LARP1B: variants seen among roughly 807,000 people sequenced by gnomAD.
The protein encoded by LARP1B is La ribonucleoprotein 1B, also known as la-related protein 1B.
In LARP1B, 76 loss-of-function variants were observed where a neutral mutation model predicts 114.2. The ratio of observed to expected loss-of-function variants is 0.67; its 90% CI spans 0.55 to 0.81. The LOEUF (loss-of-function observed/expected upper bound fraction) is 0.81, where lower values mean the gene tolerates loss of function less well. LARP1B is among the 30% of genes least tolerant of loss of function. The pLI, the probability that LARP1B is intolerant of heterozygous loss-of-function variation, is 0.00. For missense variants in LARP1B, 1,014 were observed against 1,075.8 expected, an observed-to-expected ratio of 0.94 and a Z score of 0.80; for synonymous variants, 345 against 348.0, an observed-to-expected ratio of 0.99 and a Z score of 0.10.
Position 128,065,247 on chromosome 4 carries a change from C to CAATT in LARP1B, c.-78+3851_-78+3854dup, listed in dbSNP as rs72083741. 1.7e-3 allele frequency among the ~76,000 whole-genome samples: 206 copies of CAATT among 123,436 alleles called. 1 individual carries two copies. The highest frequency in any genetic ancestry group is 4.0e-3 in the African/African-American group (134 of 33,922). The allele number at this position is 123,436 out of a possible 152,430, so 81.0% of individuals were successfully genotyped here. ...ACACTGACTCTGCACTGTTCTCCCA[C>CAATT]AATTAATTTCTTTCTTTCTTTCTTT... On this transcript the variant is annotated intron_variant, in intron 1 of 19. Transcript: ENST00000326639.
At chr4:128,063,125 CAACT>C (rs980180558) in intron 1 of LARP1B, among the ~76,000 whole-genome samples, 1 of 152,084 alleles carries the variant, frequency 6.6e-6, no homozygotes, top group African/African-American at 2.4e-5. Context: ...GTAGTAACTG[CAACT>C]TAAGAAAGTA....
chr4:128,165,733 G>A (rs966061974), intron 12 of LARP1B, among the ~76,000 whole-genome samples: 10 of 151,934 alleles, frequency 6.6e-5, no homozygotes, highest in African/African-American at 1.9e-4. Context: ...TATATAAGAG[G>A]GGTCAAATCA....
chr4:128,160,552 T>C (rs1161625472), intron 11 of LARP1B, among the ~76,000 whole-genome samples: 5 of 152,086 alleles, frequency 3.3e-5, no homozygotes, highest in Non-Finnish European at 7.4e-5. Context: ...ATGTTATACA[T>C]TAATGAATTA....
chr4:128,083,685 C>T (rs1346774333), intron 5 of LARP1B, among the ~76,000 whole-genome samples: 27 of 133,578 alleles, frequency 2.0e-4, no homozygotes, highest in African/African-American at 7.3e-4. Flanking sequence ...AGCCCCCCCA[C>T]CTCCCTCCCG....
intron 15 of LARP1B, among the ~76,000 whole-genome samples, chr4:128,195,033 T>G (rs1467294290): frequency 1.3e-5 from 2 of 152,200 alleles, no homozygotes; most frequent in Non-Finnish European, 2.9e-5. Context: ...CATTGTCTCC[T>G]GAATTTTATT....
chr4:128,117,276 C>A (rs895849210), intron 10 of LARP1B, among the ~76,000 whole-genome samples: 3 of 151,318 alleles, frequency 2.0e-5, no homozygotes, highest in Non-Finnish European at 4.4e-5. Flanking sequence ...ATGGTGTGAT[C>A]TTAGCTCACT....
chr4:128,076,783 T>C (rs980233358), intron 3 of LARP1B, among the ~76,000 whole-genome samples: 1 of 152,138 alleles, frequency 6.6e-6, no homozygotes, highest in Non-Finnish European at 1.5e-5. Context: ...TGGAGTACAG[T>C]GGCATGATCT....
chr4:128,208,200 C>T lies in LARP1B; in HGVS notation c.2547+817C>T, dbSNP rs115440400. ...AAAATTAGCTGGGTGTGATGGTGCA[C>T]GTGTGTAATCCCTGCTACTCAGGAG... On this transcript the variant is annotated intron_variant, in intron 19 of 19. Transcript: ENST00000326639. 9.2e-3 allele frequency among the ~76,000 whole-genome samples: 1,402 copies of T among 151,644 alleles called. 24 individuals carry two copies. The highest frequency in any genetic ancestry group is 0.031 in the African/African-American group (1,285 of 41,334).
rs1758668390 is a variant in LARP1B, at chr4:128,209,899, C to T, written c.2591C>T (p.Thr864Ile). 1 of 1,614,004 alleles carries T rather than the reference C, an allele frequency of 6.2e-7. No individual in the cohort carries two copies. The highest frequency in any genetic ancestry group is 8.5e-7 in the Non-Finnish European group (1 of 1,179,928). ...TTTGGAAGAAAAAGACATTCCTCTA[C>T]TTCTGGTGAGGAGAGTAATCGTCAT... ...DEFGRKRHSSTSGEESNRHRL... is the reference protein window; with the variant it reads ...DEFGRKRHSSISGEESNRHRL... The change falls in exon 20 of 20, where the codon ACT becomes ATT. Residue 864 changes from threonine to isoleucine, a missense_variant. By Grantham distance (89) the Thr-to-Ile change is moderately conservative (BLOSUM62 -1). Transcript: ENST00000326639.
intron 5 of LARP1B, among the ~76,000 whole-genome samples, chr4:128,087,964 CATA>C (rs1476066796): frequency 2.6e-5 from 4 of 151,836 alleles, no homozygotes; most frequent in Non-Finnish European, 4.4e-5. Context: ...AATGGATTCT[CATA>C]ATTTCATTAA....
rs1766517165 is a variant in LARP1B, at chr4:128,073,591, T to TTTTTTTTTTTTTTTTTTTTTTTTTTTTG, written c.-77-851_-77-850insTTTTTTTTTGTTTTTTTTTTTTTTTTTT. Among the ~76,000 whole-genome samples, 6 of 27,916 alleles carry TTTTTTTTTTTTTTTTTTTTTTTTTTTTG rather than the reference T, an allele frequency of 2.1e-4. 3 individuals are homozygous for TTTTTTTTTTTTTTTTTTTTTTTTTTTTG. The highest frequency in any genetic ancestry group is 2.9e-4 in the Non-Finnish European group (4 of 13,888). The allele number at this position is 27,916 out of a possible 152,430, so 18.3% of individuals were successfully genotyped here. A position where few individuals can be genotyped will look rare whatever the true frequency, so the allele number is the denominator to read the frequency against. Reference sequence around the variant, plus strand: ...GTTGTCGTTTTTTTTTTTTTTTTTTTTTTTTTTTTTTTTTTTTTGGACAGA... The same window carrying TTTTTTTTTTTTTTTTTTTTTTTTTTTTG: ...GTTGTCGTTTTTTTTTTTTTTTTTTTTTTTTTTTTTTTTTTTTTTTTTTTTTTGTTTTTTTTTTTTTTTTTTGGACAGA... On this transcript the variant is annotated intron_variant, in intron 1 of 19. Transcript: ENST00000326639.
At chr4:128,064,139 G>T (rs1761515184) in intron 1 of LARP1B, among the ~76,000 whole-genome samples, 1 of 151,898 alleles carries the variant, frequency 6.6e-6, no homozygotes, top group African/African-American at 2.4e-5. Flanking sequence ...GGATATGGTG[G>T]TGCGTGCCTG....
At chr4:128,072,682 A>G (rs1579808558) in intron 1 of LARP1B, among the ~76,000 whole-genome samples, 2 of 151,716 alleles carry the variant, frequency 1.3e-5, no homozygotes, top group African/African-American at 4.8e-5. Context: ...TCAGCCTCCT[A>G]AGTAGCTGGG....
rs1332722133 is a variant in LARP1B, at chr4:128,091,045, T to A, written c.403T>A (p.Ser135Thr). 9.3e-6 allele frequency: 15 copies of A among 1,613,612 alleles called. No homozygotes were observed. Among genetic ancestry groups the A allele is most frequent in the Non-Finnish European group, 1.2e-5 (14 of 1,179,690 alleles). The change falls in exon 6 of 20, where the codon TCC becomes ACC. Residue 135 changes from serine to threonine, a missense_variant. Transcript: ENST00000326639. ...AAAAAGGGATGATCAAGATGACGTT[T>A]CCAGTGTGAGAAGTGAGGGTGGTAA... ...REKRDDQDDV[S>T]SVRSEGGNIR...
downstream of LARP1B, among the ~76,000 whole-genome samples, chr4:128,212,974 A>G (rs1157536049): frequency 7.5e-6 from 1 of 132,678 alleles, no homozygotes; most frequent in Non-Finnish European, 1.5e-5. Flanking sequence ...GCTGGAGTGC[A>G]ATGACGCGAT....
At chr4:128,076,420 A>G (rs918489296) in intron 3 of LARP1B, among the ~76,000 whole-genome samples, 3 of 152,038 alleles carry the variant, frequency 2.0e-5, no homozygotes, top group African/African-American at 7.2e-5. Flanking sequence ...TGTACTCAGC[A>G]TTATTTTGAG....
chr4:128,090,932 T>G, intron 5 of LARP1B, 69 bp from the exon 6 acceptor site: 1 of 1,251,296 alleles, frequency 8.0e-7, no homozygotes, highest in South Asian at 1.4e-5. Flanking sequence ...CTATTATGTT[T>G]TCATAAAGAC....
chr4:128,099,138 CT>C (rs1354372401), intron 8 of LARP1B, among the ~76,000 whole-genome samples: 3 of 151,362 alleles, frequency 2.0e-5, no homozygotes, highest in African/African-American at 7.3e-5. Context: ...TGGCTCATGC[CT>C]GTAATCCCAG....
chr4:128,190,708 T>C (rs1030347472), intron 15 of LARP1B, among the ~76,000 whole-genome samples: 3 of 152,144 alleles, frequency 2.0e-5, no homozygotes, highest in Non-Finnish European at 2.9e-5. Flanking sequence ...TCCTGAAGCC[T>C]CCCCAGCCAT....
Sources: gnomAD v4.1 joint callset for allele counts (sites outside exome capture counted in the v4.1 genomes callset) on GRCh38, gnomAD v4.1.1 for gene constraint, MANE v1.5 for transcripts, NCBI Gene and HGNC (gene_info 2026-07-23, HGNC 2026-07-21) for gene names.